MCMDC2: variants seen among roughly 807,000 people sequenced by gnomAD.
MCMDC2 encodes minichromosome maintenance domain-containing protein 2.
A neutral mutation model predicts 75.8 loss-of-function variants in MCMDC2; 54 were observed. That is an observed-to-expected ratio of 0.71 (90% CI 0.57 to 0.89). The LOEUF is 0.89. MCMDC2 is among the 40% of genes least tolerant of loss of function. MCMDC2 has a pLI of 0.00. For synonymous variants in MCMDC2, 249 were observed against 274.6 expected (o/e 0.91, Z 0.92); for missense variants, 656 against 780.4 (o/e 0.84, Z 1.90).
At chr8:66,871,930 A>G (rs1811041182) in intron 1 of MCMDC2, among the ~76,000 whole-genome samples, 1 of 151,852 alleles carries the variant, frequency 6.6e-6, no homozygotes, top group Non-Finnish European at 1.5e-5. Context: ...CTATAATACT[A>G]ACCCCCTTAA....
chr8:66,907,117 G>A (rs531777169), intron 14 of MCMDC2, among the ~76,000 whole-genome samples: 2 of 151,778 alleles, frequency 1.3e-5, no homozygotes, highest in Non-Finnish European at 2.9e-5. Flanking sequence ...GAACATGCAG[G>A]TTTGTTACAT....
Position 66,900,164 on chromosome 8 carries a change from C to T in MCMDC2, c.1627-1042C>T, listed in dbSNP as rs546544509. Among the ~76,000 whole-genome samples the T allele has an allele frequency of 1.5e-3, 220 of 146,766 alleles. 1 individual carries two copies. The highest frequency in any genetic ancestry group is 5.0e-3 in the African/African-American group (197 of 39,586). On this transcript the variant is annotated intron_variant, in intron 12 of 14. Coordinates refer to ENST00000422365, the MANE Select transcript of MCMDC2 (RefSeq NM_173518.5). ...ATAAATAAATAAAATAGGCTAGGCG[C>T]GGTGGCTCATGCCTGTAATCCCAGC...
Position 66,883,878 on chromosome 8 carries a change from C to T in MCMDC2, c.957C>T (p.Tyr319=). 1 of 1,613,966 alleles carries T rather than the reference C, an allele frequency of 6.2e-7. No homozygotes were observed. The highest frequency in any genetic ancestry group is 8.5e-7 in the Non-Finnish European group (1 of 1,179,906). ...CACAAATTACCCCTCCTGGGACTTA[C>T]AATTTGCTCAAGCTCTGTTTGTTGA... The part of the protein sequence containing the change: ...FASQITPPGT[Y]NLLKLCLLMS... The change falls in exon 9 of 15, where the codon TAC becomes TAT. Residue 319 remains tyrosine, a synonymous_variant. Transcript: ENST00000422365.
chr8:66,883,088 A>C (rs1455929209), intron 8 of MCMDC2, among the ~76,000 whole-genome samples: 1 of 152,212 alleles, frequency 6.6e-6, no homozygotes, highest in Non-Finnish European at 1.5e-5. Context: ...TAGGTTATAC[A>C]TGCACAGCTG....
intron 14 of MCMDC2, among the ~76,000 whole-genome samples, chr8:66,913,837 G>T (rs1585913134): frequency 2.0e-5 from 3 of 151,816 alleles, no homozygotes; most frequent in Admixed American, 6.6e-5. Context: ...GGTGGTGTGT[G>T]CCTATAGTCC....
intron 1 of MCMDC2, among the ~76,000 whole-genome samples, chr8:66,872,966 A>AAC (rs1811095952): frequency 6.6e-6 from 1 of 151,524 alleles, no homozygotes; most frequent in African/African-American, 2.4e-5. Flanking sequence ...TCAAAAAAAA[A>AAC]AAAAAAAAAA....
chr8:66,923,757 G>T (rs1362173630), downstream of MCMDC2, among the ~76,000 whole-genome samples: 1 of 152,006 alleles, frequency 6.6e-6, no homozygotes, highest in African/African-American at 2.4e-5. Context: ...GCATGATGGT[G>T]GGTGCCTGTA....
In MCMDC2 at chr8:66,890,915, T is replaced by C. The variant is rs1344102076; in HGVS notation, c.1124T>C (p.Val375Ala). The C allele has an allele frequency of 1.9e-6, 3 of 1,613,664 alleles. No homozygotes were observed. The highest frequency in any genetic ancestry group is 2.5e-6 in the Non-Finnish European group (3 of 1,179,956). Residue 375 changes from valine to alanine, a missense_variant, in exon 10 of 15, where the codon GTC (valine) becomes GCC (alanine). By Grantham distance (64) the Val-to-Ala change is moderately conservative. Transcript: ENST00000422365. ...GTCCCCCGTGGTATACGTCATCTAG[T>C]CTCTACTGAAATTTTTCCCACTCTA... ...NLVPRGIRHL[V>A]STEIFPTLSR...
chr8:66,913,401 T>C (rs1813188983), intron 14 of MCMDC2, among the ~76,000 whole-genome samples: 1 of 152,212 alleles, frequency 6.6e-6, no homozygotes, highest in African/African-American at 2.4e-5. Flanking sequence ...TATGGCTGTA[T>C]ATATTAAAGT....
In MCMDC2 at chr8:66,878,661, C is replaced by T. The variant is rs1218038546; in HGVS notation, c.569C>T (p.Ser190Leu). ...NDFLCNLCAS[S>L]LQEDRKFRVL... The stretch of plus-strand genomic sequence containing the variant: ...TTTTTGTGTAATCTATGTGCATCTT[C>T]ACTTCAAGAAGACAGAAAATTTAGA... Residue 190 changes from serine (S) to leucine (L), a missense_variant, in exon 6 of 15, where the codon TCA becomes TTA. Physicochemically the swap from Ser to Leu is moderately radical, Grantham distance 145. Transcript: ENST00000422365. 1.3e-6 allele frequency: 2 copies of T among 1,569,672 alleles called. No homozygotes were observed. Among genetic ancestry groups the T allele is most frequent in the African/African-American group, 1.4e-5 (1 of 72,620 alleles).
chr8:66,883,984 C>G lies in MCMDC2; in HGVS notation c.1063C>G (p.Leu355Val), dbSNP rs758897994. ...TTTAATTATAACAAGTGATACTCTA[C>G]TCATAGACAGGTATATATGTGACAT... is the stretch of plus-strand genomic sequence containing the variant. The part of the protein sequence containing the change: ...DILIITSDTL[L>V]IDRLLNFSIN... The change falls in exon 9 of 15, where the codon CTC becomes GTC. Residue 355 changes from leucine to valine, a missense_variant. Transcript: ENST00000422365. The G allele has an allele frequency of 2.5e-6, 4 of 1,602,036 alleles. No individual in the cohort carries two copies. In the Admixed American group the frequency reaches 5.0e-5, roughly 20 times the overall value.
chr8:66,917,757 A>G (rs1443964661), intron 14 of MCMDC2, among the ~76,000 whole-genome samples: 1 of 152,228 alleles, frequency 6.6e-6, no homozygotes, highest in Non-Finnish European at 1.5e-5. Context: ...TTTAAGGCTG[A>G]ATAACATCCT....
At chr8:66,886,299 G>A (rs545200402) in intron 9 of MCMDC2, among the ~76,000 whole-genome samples, 1 of 151,944 alleles carries the variant, frequency 6.6e-6, no homozygotes, top group East Asian at 1.9e-4. Context: ...CGAGTAGCTG[G>A]GATTACAGGC....
intron 13 of MCMDC2, 41 bp downstream of exon 13, chr8:66,901,389 T>C (rs1439824895): frequency 6.3e-7 from 1 of 1,578,886 alleles, no homozygotes. Flanking sequence ...GCATTGAGTT[T>C]CAAATGATAT....
intron 9 of MCMDC2, among the ~76,000 whole-genome samples, chr8:66,888,165 C>G (rs1811930952): frequency 6.6e-6 from 1 of 152,208 alleles, no homozygotes; most frequent in Admixed American, 6.5e-5. Flanking sequence ...ACTGCAGCCT[C>G]AAACTCTTGG....
chr8:66,897,048 A>C (rs1467656192), intron 12 of MCMDC2, 89 bp downstream of exon 12: 2 of 1,221,770 alleles, frequency 1.6e-6, no homozygotes, highest in Non-Finnish European at 2.3e-6. Flanking sequence ...GATTTTCTTT[A>C]TTTAGGATTC....
intron 9 of MCMDC2, among the ~76,000 whole-genome samples, chr8:66,890,337 A>C (rs1812043113): frequency 1.3e-5 from 2 of 150,544 alleles, no homozygotes; most frequent in South Asian, 4.2e-4. Context: ...AAGTGTTGGG[A>C]TTACAGTTGT....
At chr8:66,894,999 T>G (rs1045982660) in intron 10 of MCMDC2, among the ~76,000 whole-genome samples, 1 of 152,232 alleles carries the variant, frequency 6.6e-6, no homozygotes, top group African/African-American at 2.4e-5. Flanking sequence ...GCATAGGCAG[T>G]CTTCCCTCAG....
chr8:66,896,386 T>A, intron 11 of MCMDC2, 50 bp downstream of exon 11: 1 of 1,484,544 alleles, frequency 6.7e-7, no homozygotes, highest in Non-Finnish European at 9.0e-7. Flanking sequence ...AGGAATAAAG[T>A]CATAAATTTT....
Sources: gnomAD v4.1 joint callset for allele counts (sites outside exome capture counted in the v4.1 genomes callset) on GRCh38, gnomAD v4.1.1 for gene constraint, MANE v1.5 for transcripts, NCBI Gene and HGNC (gene_info 2026-07-23, HGNC 2026-07-21) for gene names.